CMKLR1: variants seen among roughly 807,000 people sequenced by gnomAD.
CMKLR1 encodes chemerin-like receptor 1.
CMKLR1 carries 6 observed loss-of-function variants against 8.2 expected under a neutral mutation model. The observed-to-expected ratio is 0.73, with a 90% CI of 0.40 to 1.44. The LOEUF is 1.44. CMKLR1 is among the 40% of genes most tolerant of loss of function. The probability of loss-of-function intolerance (pLI) is 0.02; values close to 1 mark genes in which losing one functional copy is unlikely to be tolerated. For synonymous variants in CMKLR1, 178 were observed against 181.2 expected, an observed-to-expected ratio of 0.98 and a Z score of 0.14; for missense variants, 429 against 478.0, an observed-to-expected ratio of 0.90 and a Z score of 0.96.
At chr12:108,330,964 A>G (rs1593180403) in intron 1 of CMKLR1, among the ~76,000 whole-genome samples, 1 of 152,268 alleles carries the variant, frequency 6.6e-6, no homozygotes, top group Admixed American at 6.5e-5. Context: ...CCTAGTTAGC[A>G]TCCACATCCT....
intron 2 of CMKLR1, among the ~76,000 whole-genome samples, chr12:108,311,298 G>GTATGTGTA (rs377363490): frequency 6.6e-6 from 1 of 152,092 alleles, no homozygotes; most frequent in African/African-American, 2.4e-5. Flanking sequence ...GTGTATGTGT[G>GTATGTGTA]CGTGTGAGAT....
chr12:108,332,821 A>T (rs1245309948), intron 1 of CMKLR1, among the ~76,000 whole-genome samples: 1 of 152,158 alleles, frequency 6.6e-6, no homozygotes, highest in Non-Finnish European at 1.5e-5. Context: ...CTCTACAAAA[A>T]ATACAAAAAC....
chr12:108,291,406 A>T lies in CMKLR1; in HGVS notation c.*435T>A. 1 of 165,780 alleles carries T rather than the reference A, an allele frequency of 6.0e-6. No individual in the cohort carries two copies. Among genetic ancestry groups the T allele is most frequent in the South Asian group, 1.6e-4 (1 of 6,116 alleles). The allele number at this position is 165,780 out of a possible 1,614,324, so 10.3% of individuals were successfully genotyped here. A position where few individuals can be genotyped will look rare whatever the true frequency, so the allele number is the denominator to read the frequency against. On this transcript the variant is annotated 3_prime_UTR_variant, in exon 4 of 4. Coordinates refer to ENST00000550402, the MANE Select transcript of CMKLR1 (RefSeq NM_001142343.2). ...TTTTCTGGCCAGCTACTGATAATAT[A>T]TATACAAGGGCCAAGTGTGATCTGC...
In CMKLR1 at chr12:108,290,864, G is replaced by C. The variant is rs956369834; in HGVS notation, c.*977C>G. 1 of 152,272 alleles carries C rather than the reference G, an allele frequency of 6.6e-6. No individual in the cohort carries two copies. Among genetic ancestry groups the C allele is most frequent in the South Asian group, 2.1e-4 (1 of 4,832 alleles). 9.4% of individuals were successfully genotyped at this position (152,272 alleles called of 1,614,324 possible). A position where few individuals can be genotyped will look rare whatever the true frequency, so the allele number is the denominator to read the frequency against. On this transcript the variant is annotated 3_prime_UTR_variant, in exon 4 of 4. Coordinates refer to ENST00000550402, the MANE Select transcript of CMKLR1 (RefSeq NM_001142343.2). Reference sequence around the variant, plus strand: ...CTGCATTTTGGACCTGTCTCCAAAGGCGTTGAGGAAATTAACCAGAATGAG... The same window carrying C: ...CTGCATTTTGGACCTGTCTCCAAAGCCGTTGAGGAAATTAACCAGAATGAG...
At chr12:108,293,418 G>A (rs1820101092) in intron 3 of CMKLR1, among the ~76,000 whole-genome samples, 171 bp downstream of exon 3, 1 of 152,110 alleles carries the variant, frequency 6.6e-6, no homozygotes, top group African/African-American at 2.4e-5. Flanking sequence ...TCAAATAATG[G>A]GAACATTGCA....
At chr12:108,310,150 G>A (rs1891512598) in intron 2 of CMKLR1, among the ~76,000 whole-genome samples, 1 of 148,172 alleles carries the variant, frequency 6.7e-6, no homozygotes, top group African/African-American at 2.5e-5. Context: ...GCTTGAAAAA[G>A]TGTGGTTAGG....
At chr12:108,321,959 G>A (rs74767041) in intron 2 of CMKLR1, among the ~76,000 whole-genome samples, 1,891 of 152,198 alleles carry the variant, frequency 0.012, 40 homozygotes, top group African/African-American at 0.042. Flanking sequence ...TCTTGGTGCT[G>A]TCCTCCAAGT....
intron 2 of CMKLR1, among the ~76,000 whole-genome samples, chr12:108,299,832 C>G (rs1449066564): frequency 6.6e-6 from 1 of 152,176 alleles, no homozygotes; most frequent in Non-Finnish European, 1.5e-5. Flanking sequence ...TTTCAGAGTT[C>G]TGGCCTCCAG....
At chr12:108,331,457 G>A (rs1291896325) in intron 1 of CMKLR1, among the ~76,000 whole-genome samples, 1 of 146,226 alleles carries the variant, frequency 6.8e-6, no homozygotes, top group Non-Finnish European at 1.5e-5. Context: ...ACTGTCAATA[G>A]ATGGCCACCT....
chr12:108,322,809 A>G (rs991114657), intron 2 of CMKLR1, among the ~76,000 whole-genome samples: 2 of 151,720 alleles, frequency 1.3e-5, no homozygotes, highest in African/African-American at 4.8e-5. Flanking sequence ...AGCAAAATAA[A>G]CCTCTTTTCT....
In CMKLR1 at chr12:108,293,020, A is replaced by T. The variant is rs1293784853; in HGVS notation, c.4-61T>A. The T allele has an allele frequency of 6.1e-6, 9 of 1,475,606 alleles. No homozygotes were observed. The East Asian group carries it at 1.6e-4, about 26-fold the overall frequency. The allele number at this position is 1,475,606 out of a possible 1,614,324, so 91.4% of individuals were successfully genotyped here. On this transcript the variant is annotated intron_variant, in intron 3 of 3. Coordinates refer to ENST00000550402, the MANE Select transcript of CMKLR1 (RefSeq NM_001142343.2). Reference sequence around the variant, plus strand: ...AGAGTTGGCTTTAAGAGGTTGACCAATACCAGCAAGACCAACAATGTTCCC... The same window carrying T: ...AGAGTTGGCTTTAAGAGGTTGACCATTACCAGCAAGACCAACAATGTTCCC...
At chr12:108,294,547 T>C (rs1378964931) in intron 2 of CMKLR1, among the ~76,000 whole-genome samples, 1 of 152,216 alleles carries the variant, frequency 6.6e-6, no homozygotes, top group Non-Finnish European at 1.5e-5. Flanking sequence ...ATCTCAGTTT[T>C]CTTACCAATA....
At position 108,306,719 on chromosome 12, in the gene CMKLR1, T is replaced by C. The variant is rs542796500; in HGVS notation, c.-73-13055A>G. Reference sequence around the variant, plus strand: ...TAGAATCAAGACCAATGCCTTACTATGGCCTGAGCAATCTAGACCCTGCCT... The same window carrying C: ...TAGAATCAAGACCAATGCCTTACTACGGCCTGAGCAATCTAGACCCTGCCT... On this transcript the variant is annotated intron_variant, in intron 2 of 3. Transcript: ENST00000550402. 9.8e-5 allele frequency among the ~76,000 whole-genome samples: 15 copies of C among 152,340 alleles called. 1 individual carries two copies. The highest frequency in any genetic ancestry group is 2.6e-4 in the Admixed American group (4 of 15,296).
intron 2 of CMKLR1, among the ~76,000 whole-genome samples, chr12:108,316,622 G>C (rs1186265929): frequency 1.3e-5 from 2 of 152,200 alleles, no homozygotes; most frequent in Non-Finnish European, 2.9e-5. Flanking sequence ...AGACCCCATG[G>C]AGCCACCCGG....
At chr12:108,316,616 C>T (rs754471472) in intron 2 of CMKLR1, among the ~76,000 whole-genome samples, 9 of 152,154 alleles carry the variant, frequency 5.9e-5, no homozygotes, top group Admixed American at 1.3e-4. Context: ...TTAACAAGAC[C>T]CCATGGAGCC....
chr12:108,294,027 G>A (rs1891061651), intron 2 of CMKLR1, among the ~76,000 whole-genome samples: 1 of 152,148 alleles, frequency 6.6e-6, no homozygotes, highest in Admixed American at 6.5e-5. Context: ...CCACTACCAG[G>A]GCAGGACCCA....
rs920552648 is a variant in CMKLR1 at position 108,316,409 on chromosome 12, G to T, written c.-74+13586C>A. Among the ~76,000 whole-genome samples, 12 of 152,188 alleles carry T rather than the reference G, an allele frequency of 7.9e-5. No individual in the cohort carries two copies. In the South Asian group the frequency reaches 2.3e-3, roughly 29 times the overall value. On this transcript the variant is annotated intron_variant, in intron 2 of 3. Transcript: ENST00000550402. ...AGACAGAAAGAGAGGGGGAAGAGGG[G>T]CAGGGAGAGGAAAGCCAGCAGGAAG...
chr12:108,296,553 C>T (rs542619709), intron 2 of CMKLR1, among the ~76,000 whole-genome samples: 11 of 152,238 alleles, frequency 7.2e-5, no homozygotes, highest in East Asian at 3.9e-4. Flanking sequence ...AGGCCAGGCA[C>T]GGTGGCTCAT....
At position 108,292,418 on chromosome 12, in the gene CMKLR1, T is replaced by G; in HGVS notation, c.545A>C (p.Asn182Thr). The G allele has an allele frequency of 6.2e-7, 1 of 1,614,066 alleles. No homozygotes were observed. Among genetic ancestry groups the G allele is most frequent in the South Asian group, 1.1e-5 (1 of 91,066 alleles). Residue 182 changes from asparagine (N) to threonine (T), a missense_variant, in exon 4 of 4, where the codon AAC becomes ACC. Physicochemically the swap from Asn to Thr is moderately conservative, Grantham distance 65. Coordinates refer to ENST00000550402, the MANE Select transcript of CMKLR1 (RefSeq NM_001142343.2). ...SPSLVFRDTA[N>T]LHGKISCFNN... Reference sequence around the variant, plus strand: ...GAAGCAGGATATTTTCCCATGCAGGTTGGCTGTGTCCCGGAAGACGAGAGA... The same window carrying G: ...GAAGCAGGATATTTTCCCATGCAGGGTGGCTGTGTCCCGGAAGACGAGAGA...
Sources: gnomAD v4.1 joint callset for allele counts (sites outside exome capture counted in the v4.1 genomes callset) on GRCh38, gnomAD v4.1.1 for gene constraint, MANE v1.5 for transcripts, NCBI Gene and HGNC (gene_info 2026-07-23, HGNC 2026-07-21) for gene names.